Variants in FAM20A observed in about 807,000 individuals in gnomAD.
FAM20A encodes pseudokinase FAM20A.
A neutral mutation model predicts 52.0 loss-of-function variants in FAM20A; 42 were observed. That is an observed-to-expected ratio of 0.81 (90% CI 0.63 to 1.04). The LOEUF (loss-of-function observed/expected upper bound fraction) is 1.04, where lower values mean the gene tolerates loss of function less well. Among genes scored for constraint, FAM20A ranks in the 50% least tolerant of loss-of-function variants. The probability of loss-of-function intolerance (pLI) is 0.00; values close to 1 mark genes in which losing one functional copy is unlikely to be tolerated. For missense variants in FAM20A, 742 were observed against 712.7 expected (o/e 1.04, Z -0.47); for synonymous variants, 304 against 298.9 (o/e 1.02, Z -0.18).
At chr17:68,569,652 C>T (rs1338076664) in intron 1 of FAM20A, among the ~76,000 whole-genome samples, 2 of 152,146 alleles carry the variant, frequency 1.3e-5, no homozygotes, top group African/African-American at 4.8e-5. Context: ...TAGTGGCTAC[C>T]CTTTTGCACA....
At chr17:68,555,811 G>T in intron 1 of FAM20A, 68 bp from the exon 2 acceptor site, 1 of 1,548,922 alleles carries the variant, frequency 6.5e-7, no homozygotes, top group Non-Finnish European at 8.9e-7. Context: ...TACCTTGTCT[G>T]CAGTTTTTTA....
chr17:68,598,008 T>TTTTG (rs926240448), intron 1 of FAM20A: 1 of 150,830 alleles, frequency 6.6e-6, no homozygotes, highest in African/African-American at 2.4e-5. Context: ...GTATGGTTTT[T>TTTTG]TTTTTTTTTT....
intron 6 of FAM20A, 42 bp from the exon 7 acceptor site, chr17:68,542,207 C>A (rs1006096356): frequency 6.2e-6 from 10 of 1,607,702 alleles, no homozygotes; most frequent in Middle Eastern, 1.6e-4. Flanking sequence ...GTGGAGGGCT[C>A]TGGAGGCATG....
chr17:68,569,258 C>A (rs893185934), intron 1 of FAM20A, among the ~76,000 whole-genome samples: 4 of 152,160 alleles, frequency 2.6e-5, no homozygotes, highest in Non-Finnish European at 4.4e-5. Flanking sequence ...CCCTGCATCA[C>A]CGAATTGTGT....
chr17:68,553,923 T>C (rs1026960167), intron 3 of FAM20A, among the ~76,000 whole-genome samples: 4 of 132,200 alleles, frequency 3.0e-5, no homozygotes, highest in Non-Finnish European at 4.5e-5. Flanking sequence ...TATACACACA[T>C]ATATGCATAT....
intron 1 of FAM20A, among the ~76,000 whole-genome samples, chr17:68,581,364 TTCTTTCTTTC>T (rs1196644010): frequency 1.3e-4 from 17 of 135,356 alleles, no homozygotes; most frequent in Non-Finnish European, 2.5e-4. Flanking sequence ...CTTTCTTTCT[TTCTTTCTTTC>T]TTTCTTTCTT....
chr17:68,581,442 T>TTC (rs2087983204), intron 1 of FAM20A, among the ~76,000 whole-genome samples: 4 of 126,526 alleles, frequency 3.2e-5, no homozygotes, highest in African/African-American at 1.3e-4. Context: ...TTTCTTTTCT[T>TTC]TTTTTCTTTT....
Position 68,542,144 on chromosome 17 carries a change from G to A in FAM20A, c.950C>T (p.Ala317Val). Residue 317 changes from alanine to valine, a missense_variant, in exon 7 of 11, where the codon GCC becomes GTC. Coordinates refer to ENST00000592554, the MANE Select transcript of FAM20A (RefSeq NM_017565.4). The stretch of plus-strand genomic sequence containing the variant: ...CGTCTTGCACATGTATGGACACTTG[G>A]CGAAGAAGCACACGTTGCTCGCTGG... ...VSPASNVCFF[A>V]KCPYMCKTEY... The A allele has an allele frequency of 6.2e-7, 1 of 1,614,090 alleles. No individual in the cohort carries two copies. Among genetic ancestry groups the A allele is most frequent in the Non-Finnish European group, 8.5e-7 (1 of 1,180,024 alleles).
intron 1 of FAM20A, among the ~76,000 whole-genome samples, chr17:68,573,534 T>C (rs1229444899): frequency 6.7e-6 from 1 of 149,690 alleles, no homozygotes; most frequent in East Asian, 1.9e-4. Flanking sequence ...CTTCCTTCCT[T>C]CCTTTCTTTC....
At chr17:68,558,178 G>T (rs1023546460) in intron 1 of FAM20A, among the ~76,000 whole-genome samples, 1 of 152,162 alleles carries the variant, frequency 6.6e-6, no homozygotes, top group African/African-American at 2.4e-5. Flanking sequence ...ATGCTTCCCG[G>T]CTGAAGCCAG....
At chr17:68,582,911 T>C (rs2143868183) in intron 1 of FAM20A, among the ~76,000 whole-genome samples, 1 of 146,030 alleles carries the variant, frequency 6.8e-6, no homozygotes, top group Non-Finnish European at 1.5e-5. Context: ...GCAATTCTCC[T>C]ACCTTAGCCT....
chr17:68,559,964 G>C (rs1313656162), intron 1 of FAM20A, among the ~76,000 whole-genome samples: 2 of 152,172 alleles, frequency 1.3e-5, no homozygotes, highest in Non-Finnish European at 2.9e-5. Context: ...GCTATGGTCT[G>C]AATGTTTGTG....
Position 68,592,991 on chromosome 17 carries a change from T to C in FAM20A, c.404+7272A>G, listed in dbSNP as rs141638746. Among the ~76,000 whole-genome samples the C allele has an allele frequency of 8.0e-3, 1,225 of 152,364 alleles. 17 individuals are homozygous for C. Among genetic ancestry groups the C allele is most frequent in the African/African-American group, 0.028 (1,171 of 41,590 alleles). On this transcript the variant is annotated intron_variant, in intron 1 of 10. Coordinates refer to ENST00000592554, the MANE Select transcript of FAM20A (RefSeq NM_017565.4). ...AAAGTCAGGGATGCTGCCATCTCCA[T>C]AGCACTTCAAACTCAGTTCTGTCCT...
chr17:68,539,301 T>A, intron 10 of FAM20A, 36 bp downstream of exon 10: 6 of 1,610,878 alleles, frequency 3.7e-6, no homozygotes, highest in Non-Finnish European at 4.2e-6. Flanking sequence ...GTCACAACTG[T>A]TACTTGCCCG....
chr17:68,597,914 A>G (rs1335433677), intron 1 of FAM20A: 1 of 151,580 alleles, frequency 6.6e-6, no homozygotes, highest in Non-Finnish European at 1.5e-5. Context: ...GGCAGGGAGC[A>G]CTCTCATTTA....
In FAM20A at chr17:68,542,770, C is replaced by T. The variant is rs781553642; in HGVS notation, c.852G>A (p.Arg284=). The T allele has an allele frequency of 2.5e-6, 4 of 1,614,150 alleles. No individual in the cohort carries two copies. Among genetic ancestry groups the T allele is most frequent in the African/African-American group, 2.7e-5 (2 of 75,038 alleles). The change falls in exon 6 of 11, where the codon AGG becomes AGA. Residue 284 remains arginine, a synonymous_variant. Transcript: ENST00000592554. ...DFRRVPPTVG[R]IVNVTKEILE... The stretch of plus-strand genomic sequence containing the variant: ...GGATTTCCTTGGTGACATTTACTAT[C>T]CTCCCCACTGTTGGCGGCACCCGTC...
intron 1 of FAM20A, among the ~76,000 whole-genome samples, chr17:68,580,180 T>G (rs1446897604): frequency 6.6e-6 from 1 of 152,268 alleles, no homozygotes; most frequent in East Asian, 1.9e-4. Flanking sequence ...TTTTCTGCTC[T>G]TCCACAGTGG....
intron 1 of FAM20A, among the ~76,000 whole-genome samples, chr17:68,595,463 A>G (rs955083559): frequency 1.3e-5 from 2 of 152,230 alleles, no homozygotes; most frequent in Non-Finnish European, 2.9e-5. Flanking sequence ...TCCTCCAACT[A>G]CAAGTTCAGG....
At chr17:68,559,102 C>T (rs1000444075) in intron 1 of FAM20A, among the ~76,000 whole-genome samples, 2 of 152,188 alleles carry the variant, frequency 1.3e-5, no homozygotes, top group African/African-American at 2.4e-5. Context: ...AACATTATCC[C>T]AGACTTCTGA....
Sources: gnomAD v4.1 joint callset for allele counts (sites outside exome capture counted in the v4.1 genomes callset) on GRCh38, gnomAD v4.1.1 for gene constraint, MANE v1.5 for transcripts, NCBI Gene and HGNC (gene_info 2026-07-23, HGNC 2026-07-21) for gene names.